CRTAC1: variants seen among roughly 807,000 people sequenced by gnomAD.
CRTAC1 encodes acidic secreted protein in cartilage.
CRTAC1 carries 37 observed loss-of-function variants against 67.8 expected under a neutral mutation model. The observed-to-expected ratio is 0.55, with a 90% CI of 0.42 to 0.72. The LOEUF is 0.72. Among genes scored for constraint, CRTAC1 ranks in the 30% least tolerant of loss-of-function variants. The pLI is 0.00. For synonymous variants in CRTAC1, 348 were observed against 371.0 expected (o/e 0.94, Z 0.71); for missense variants, 780 against 931.6 (o/e 0.84, Z 2.12).
intron 2 of CRTAC1, among the ~76,000 whole-genome samples, chr10:97,986,974 A>G (rs371199992): frequency 8.5e-5 from 13 of 152,344 alleles, no homozygotes; most frequent in African/African-American, 3.1e-4. Context: ...GTGCTCATTA[A>G]ATACTAATGC....
intron 14 of CRTAC1, among the ~76,000 whole-genome samples, chr10:97,874,544 C>T (rs1402495973): frequency 2.0e-5 from 3 of 152,180 alleles, no homozygotes; most frequent in African/African-American, 7.2e-5. Flanking sequence ...ATCTCTCCCA[C>T]CACAGGTGTC....
At chr10:98,011,433 C>A in intron 1 of CRTAC1, 96 bp from the exon 2 acceptor site, 1 of 1,446,472 alleles carries the variant, frequency 6.9e-7, no homozygotes, top group Admixed American at 1.8e-5. Context: ...GCCTTTCTCT[C>A]CCATTCATGG....
intron 2 of CRTAC1, among the ~76,000 whole-genome samples, chr10:97,984,705 C>T (rs1017711443): frequency 3.9e-5 from 6 of 152,178 alleles, no homozygotes; most frequent in Admixed American, 2.6e-4. Context: ...ACATGACCTT[C>T]CAGACCCCTC....
rs1842469499 is a variant in CRTAC1 at position 97,991,979 on chromosome 10, CA to C, written c.224+19158del. Among the ~76,000 whole-genome samples, 4 of 152,276 alleles carry C rather than the reference CA, an allele frequency of 2.6e-5. No individual in the cohort carries two copies. In the South Asian group the frequency reaches 8.3e-4, roughly 32 times the overall value. Reference sequence around the variant, plus strand: ...CCATACTTTTCAAAGTCTTCCTAAGCAAAATGTTTTGCATGTGGGGATGCAG... The same window carrying C: ...CCATACTTTTCAAAGTCTTCCTAAGCAAATGTTTTGCATGTGGGGATGCAG... On this transcript the variant is annotated intron_variant, in intron 2 of 14. Transcript: ENST00000370597.
intron 2 of CRTAC1, among the ~76,000 whole-genome samples, chr10:97,961,132 C>A (rs549128874): frequency 6.6e-6 from 1 of 152,152 alleles, no homozygotes; most frequent in Non-Finnish European, 1.5e-5. Flanking sequence ...GTAATGGCCA[C>A]GTGTGAGCCT....
intron 7 of CRTAC1, among the ~76,000 whole-genome samples, chr10:97,903,565 C>T (rs2050570354): frequency 6.6e-6 from 1 of 151,936 alleles, no homozygotes; most frequent in Non-Finnish European, 1.5e-5. Context: ...GTAGGGGTGG[C>T]CTCTTCTTGG....
At chr10:97,993,256 T>C (rs893114597) in intron 2 of CRTAC1, among the ~76,000 whole-genome samples, 3 of 152,208 alleles carry the variant, frequency 2.0e-5, no homozygotes, top group Non-Finnish European at 4.4e-5. Context: ...CATAAGGACC[T>C]TGGCTTTAAT....
At chr10:97,907,642 T>C (rs1306493202) in intron 6 of CRTAC1, among the ~76,000 whole-genome samples, 1 of 152,104 alleles carries the variant, frequency 6.6e-6, no homozygotes, top group African/African-American at 2.4e-5. Flanking sequence ...ATGCTCACTG[T>C]ATTGAACTGA....
At chr10:97,924,709 C>T (rs940125751) in intron 3 of CRTAC1, among the ~76,000 whole-genome samples, 3 of 152,186 alleles carry the variant, frequency 2.0e-5, no homozygotes, top group Non-Finnish European at 4.4e-5. Context: ...GATGGTCCCC[C>T]CACCAAAGTG....
At chr10:98,011,092 C>T in intron 2 of CRTAC1, 46 bp downstream of exon 2, 2 of 1,566,128 alleles carry the variant, frequency 1.3e-6, no homozygotes, top group South Asian at 2.2e-5. Flanking sequence ...CTTATTACAG[C>T]AAAATCTGAT....
intron 2 of CRTAC1, among the ~76,000 whole-genome samples, chr10:97,948,441 T>C (rs191930258): frequency 6.6e-6 from 1 of 152,162 alleles, no homozygotes; most frequent in Non-Finnish European, 1.5e-5. Context: ...GGACAAAAAG[T>C]GCTCTGAAAG....
intron 2 of CRTAC1, among the ~76,000 whole-genome samples, chr10:97,971,716 CAG>C (rs1346955753): frequency 6.6e-6 from 1 of 152,120 alleles, no homozygotes; most frequent in Non-Finnish European, 1.5e-5. Context: ...AGATTGAACA[CAG>C]AGCTGCAGCT....
Position 98,011,146 on chromosome 10 carries a change from G to A in CRTAC1, c.216C>T (p.Val72=), listed in dbSNP as rs780912638. Residue 72 remains valine, a synonymous_variant, in exon 2 of 15, where the codon GTC becomes GTT. Transcript: ENST00000370597. Reference sequence around the variant, plus strand: ...GGGTGGGAGGCACTTACCCCGCCACGACGATCTCAAAGTCCCCATCATGGT... The same window carrying A: ...GGGTGGGAGGCACTTACCCCGCCACAACGATCTCAAAGTCCCCATCATGGT... ...DVDHDGDFEI[V]VAGYNGPNLV... 7 of 1,614,020 alleles carry A rather than the reference G, an allele frequency of 4.3e-6. No individual in the cohort carries two copies. Among genetic ancestry groups the A allele is most frequent in the African/African-American group, 2.7e-5 (2 of 75,036 alleles).
intron 3 of CRTAC1, among the ~76,000 whole-genome samples, chr10:97,932,556 C>T (rs1017853215): frequency 7.9e-5 from 12 of 152,054 alleles, no homozygotes; most frequent in African/African-American, 1.4e-4. Context: ...ATTTTAGATA[C>T]GGGGCTCAGG....
intron 11 of CRTAC1, among the ~76,000 whole-genome samples, chr10:97,887,885 G>C (rs117291751): frequency 0.011 from 1,745 of 152,368 alleles, 10 homozygotes; most frequent in Middle Eastern, 0.041. Flanking sequence ...TCAGGTGTTG[G>C]TAACAACAGT....
intron 14 of CRTAC1, chr10:97,878,420 T>C (rs1398843680): frequency 7.5e-6 from 2 of 266,922 alleles, no homozygotes; most frequent in Non-Finnish European, 1.4e-5. Flanking sequence ...TTATTAGGAG[T>C]ATTACCATGA....
intron 1 of CRTAC1, among the ~76,000 whole-genome samples, chr10:98,025,616 C>A (rs1238043293): frequency 6.6e-6 from 1 of 152,090 alleles, no homozygotes; most frequent in East Asian, 1.9e-4. Flanking sequence ...GATAATGAAC[C>A]AATTGATTTC....
intron 5 of CRTAC1, among the ~76,000 whole-genome samples, chr10:97,908,882 G>A (rs904840049): frequency 6.6e-6 from 1 of 152,198 alleles, no homozygotes; most frequent in Non-Finnish European, 1.5e-5. Flanking sequence ...ACATGTTTGT[G>A]CAGAGTTATT....
At position 98,029,454 on chromosome 10, in the gene CRTAC1, T is replaced by G. The variant is rs1843312188; in HGVS notation, c.24+995A>C. ...GAGAACGGAAGCATCTCCTGGGATG[T>G]GCAGAAGCCACACTGGGTGCACCCA... On this transcript the variant is annotated intron_variant, in intron 1 of 14. Coordinates refer to ENST00000370597, the MANE Select transcript of CRTAC1 (RefSeq NM_018058.7). This position sits in a 1 kb window ranked among gnomAD's most constrained non-coding sequence, Gnocchi z 4.7. Among the ~76,000 whole-genome samples, 1 of 150,618 alleles carries G rather than the reference T, an allele frequency of 6.6e-6. No individual in the cohort carries two copies. The highest frequency in any genetic ancestry group is 6.6e-5 in the Admixed American group (1 of 15,158).
Sources: allele counts gnomAD v4.1 joint callset (sites outside exome capture counted in the v4.1 genomes callset), GRCh38; gene constraint gnomAD v4.1.1; non-coding constraint Gnocchi (gnomAD v3.1); transcripts MANE v1.5; gene names NCBI Gene and HGNC (gene_info 2026-07-23, HGNC 2026-07-21).